RIMBP2: variants seen among roughly 807,000 people sequenced by gnomAD.
RIMBP2 encodes the protein RIMS binding protein 2, also known as RIMS-binding protein 2.
RIMBP2 carries 48 observed loss-of-function variants against 118.6 expected under a neutral mutation model. The ratio of observed to expected loss-of-function variants is 0.40; its 90% CI spans 0.32 to 0.51. RIMBP2 has a LOEUF of 0.51. Ranked by LOEUF, RIMBP2 falls within the 20% of genes least tolerant of loss-of-function variation. The pLI is 0.41. For synonymous variants in RIMBP2, 762 were observed against 742.9 expected (o/e 1.03, Z -0.42); for missense variants, 1,551 against 1,768.3 (o/e 0.88, Z 2.20).
Position 130,646,051 on chromosome 12 carries a change from C to T in RIMBP2, c.-351-17595G>A, listed in dbSNP as rs866119543. Among the ~76,000 whole-genome samples, 88 of 130,042 alleles carry T rather than the reference C, an allele frequency of 6.8e-4. 3 individuals are homozygous for T. Among genetic ancestry groups the T allele is most frequent in the Middle Eastern group, 4.6e-3 (1 of 218 alleles). The allele number at this position is 130,042 out of a possible 152,430, so 85.3% of individuals were successfully genotyped here. On this transcript the variant is annotated intron_variant, in intron 1 of 22. Coordinates refer to ENST00000690449, the MANE Select transcript of RIMBP2 (RefSeq NM_001393629.1). ...GTGCGGCAGCCAGTTCCCTCTCCAC[C>T]TCCCTCACCACCTGCCTCTCCACCT...
intron 3 of RIMBP2, among the ~76,000 whole-genome samples, chr12:130,507,481 T>C (rs1463328564): frequency 2.6e-5 from 4 of 152,242 alleles, no homozygotes; most frequent in South Asian, 2.1e-4. Context: ...TATTTATTCT[T>C]GTCTAAAAAT....
chr12:130,555,357 G>A (rs1440870886), intron 2 of RIMBP2, among the ~76,000 whole-genome samples: 3 of 152,200 alleles, frequency 2.0e-5, no homozygotes, highest in African/African-American at 7.2e-5. Flanking sequence ...TATGGCAGCA[G>A]TTAGTCAAAA....
chr12:130,650,339 TC>T (rs2063179770), intron 1 of RIMBP2, among the ~76,000 whole-genome samples: 1 of 152,202 alleles, frequency 6.6e-6, no homozygotes, highest in Non-Finnish European at 1.5e-5. Flanking sequence ...TGCTGCCAGC[TC>T]CCAGCCTGGG....
chr12:130,449,470 C>A (rs1266703360), intron 9 of RIMBP2, among the ~76,000 whole-genome samples: 1 of 152,302 alleles, frequency 6.6e-6, no homozygotes, highest in Middle Eastern at 3.4e-3. Flanking sequence ...CGGCTGTCAT[C>A]GCAGCGAGAT....
chr12:130,696,927 C>T (rs1191693949), intron 1 of RIMBP2, among the ~76,000 whole-genome samples: 1 of 152,166 alleles, frequency 6.6e-6, no homozygotes, highest in Non-Finnish European at 1.5e-5. Context: ...GTTTTGAAAG[C>T]TACAAATCAT....
At chr12:130,651,008 G>A (rs1408133965) in intron 1 of RIMBP2, among the ~76,000 whole-genome samples, 1 of 150,048 alleles carries the variant, frequency 6.7e-6, no homozygotes, top group African/African-American at 2.5e-5. Flanking sequence ...CTTTGTAAAT[G>A]TCACAGGAAG....
rs146527461 is a variant in RIMBP2, at chr12:130,410,446, T to G, written c.3589+2173A>C. 1.8e-4 allele frequency among the ~76,000 whole-genome samples: 27 copies of G among 152,304 alleles called. No individual in the cohort carries two copies. The East Asian group carries it at 4.8e-3, about 27-fold the overall frequency. On this transcript the variant is annotated intron_variant, in intron 19 of 22. Transcript: ENST00000690449. Reference sequence around the variant, plus strand: ...CCTGTCAAAGAAATCGTTGCCTGATTATTATAAAGTTTTCTCCTGTGTTTT... The same window carrying G: ...CCTGTCAAAGAAATCGTTGCCTGATGATTATAAAGTTTTCTCCTGTGTTTT...
intron 1 of RIMBP2, among the ~76,000 whole-genome samples, chr12:130,687,938 T>C (rs562416231): frequency 3.9e-4 from 60 of 152,306 alleles, no homozygotes; most frequent in African/African-American, 1.4e-3. Flanking sequence ...TGAATTAAAA[T>C]AGTGCTCAAA....
intron 2 of RIMBP2, among the ~76,000 whole-genome samples, chr12:130,628,092 G>T (rs2061757770): frequency 6.6e-6 from 1 of 152,170 alleles, no homozygotes; most frequent in Non-Finnish European, 1.5e-5. Context: ...CAGGCATCAA[G>T]TTCTTTCTTG....
chr12:130,577,381 T>C (rs1380664207), intron 2 of RIMBP2, among the ~76,000 whole-genome samples: 1 of 152,170 alleles, frequency 6.6e-6, no homozygotes. Context: ...GGGTAATTTT[T>C]AAAGAAAGGA....
intron 2 of RIMBP2, among the ~76,000 whole-genome samples, chr12:130,593,172 G>T (rs2059375236): frequency 6.6e-6 from 1 of 152,164 alleles, no homozygotes; most frequent in Non-Finnish European, 1.5e-5. Context: ...GCCTGGCCCC[G>T]GTGTGGCTCC....
At chr12:130,669,931 T>A (rs938822487) in intron 1 of RIMBP2, among the ~76,000 whole-genome samples, 37 of 152,174 alleles carry the variant, frequency 2.4e-4, no homozygotes, top group African/African-American at 8.7e-4. Flanking sequence ...TAGGCCTTTT[T>A]CCACAGAACC....
intron 7 of RIMBP2, among the ~76,000 whole-genome samples, chr12:130,454,536 G>A (rs1254029863): frequency 1.3e-5 from 2 of 152,246 alleles, no homozygotes; most frequent in Non-Finnish European, 2.9e-5. Context: ...CATGGGCCAT[G>A]CCAGGCGACC....
intron 2 of RIMBP2, among the ~76,000 whole-genome samples, chr12:130,571,695 G>C (rs2057676021): frequency 6.6e-6 from 1 of 152,092 alleles, no homozygotes; most frequent in Admixed American, 6.5e-5. Flanking sequence ...GCATACTCAA[G>C]ACCCTCCTGT....
At chr12:130,649,739 G>A (rs1594143158) in intron 1 of RIMBP2, among the ~76,000 whole-genome samples, 2 of 152,230 alleles carry the variant, frequency 1.3e-5, no homozygotes, top group East Asian at 1.9e-4. Context: ...AATCAGAGAT[G>A]TGGTCTCCCT....
intron 4 of RIMBP2, among the ~76,000 whole-genome samples, chr12:130,502,899 G>A (rs983621808): frequency 7.9e-5 from 12 of 152,112 alleles, no homozygotes; most frequent in Admixed American, 2.0e-4. Context: ...TAGGTGCACC[G>A]ATGTACCCCT....
rs1241993163 is a variant in RIMBP2, at chr12:130,424,118, GA to G, written c.3129+23del. 1.6e-5 allele frequency: 19 copies of G among 1,194,336 alleles called. No homozygotes were observed. The highest frequency in any genetic ancestry group is 1.7e-5 in the Non-Finnish European group (16 of 953,606). 74.0% of individuals were successfully genotyped at this position (1,194,336 alleles called of 1,614,324 possible). A position where few individuals can be genotyped will look rare whatever the true frequency, so the allele number is the denominator to read the frequency against. ...ACAGATTGGTTTGGCAAGCGGCTGT[GA>G]AAAGGAAGTTTAGGTCACACACCAG... On this transcript the variant is annotated intron_variant, in intron 16 of 22. Coordinates refer to ENST00000690449, the MANE Select transcript of RIMBP2 (RefSeq NM_001393629.1). This position sits in a 1 kb window ranked among gnomAD's most constrained non-coding sequence, Gnocchi z 9.8.
At chr12:130,471,705 A>G (rs980706713) in intron 5 of RIMBP2, 1 of 152,502 alleles carries the variant, frequency 6.6e-6, no homozygotes, top group Non-Finnish European at 1.5e-5. Flanking sequence ...TGTGAGCGCC[A>G]TCCCCCCAGA....
intron 1 of RIMBP2, among the ~76,000 whole-genome samples, chr12:130,713,767 G>A (rs1198402874): frequency 1.3e-5 from 2 of 152,204 alleles, no homozygotes; most frequent in Non-Finnish European, 2.9e-5. Context: ...AAGCTCCCGG[G>A]TCAGGCCCTC....
Sources: allele counts gnomAD v4.1 joint callset (sites outside exome capture counted in the v4.1 genomes callset), GRCh38; gene constraint gnomAD v4.1.1; non-coding constraint Gnocchi (gnomAD v3.1); transcripts MANE v1.5; gene names NCBI Gene and HGNC (gene_info 2026-07-23, HGNC 2026-07-21).